The following CEP162 variants were observed in gnomAD, a reference collection of about 807,000 sequenced individuals.
The protein encoded by CEP162 is centrosomal protein of 162 kDa.
Under a neutral mutation model 169.2 loss-of-function variants are expected in CEP162, and 141 were observed. That is an observed-to-expected ratio of 0.83 (90% confidence interval 0.73 to 0.96). CEP162 has a LOEUF of 0.96. Among genes scored for constraint, CEP162 ranks in the 40% least tolerant of loss-of-function variants. The pLI, the probability that CEP162 is intolerant of heterozygous loss-of-function variation, is 0.00. For synonymous variants in CEP162, 540 were observed against 526.4 expected, an observed-to-expected ratio of 1.03 and a Z score of -0.35; for missense variants, 1,600 against 1,587.2, an observed-to-expected ratio of 1.01 and a Z score of -0.14.
rs926808712 is a variant in CEP162, at chr6:84,181,085, G to T, written c.1663+4102C>A. Among the ~76,000 whole-genome samples, 81 of 152,266 alleles carry T rather than the reference G, an allele frequency of 5.3e-4. 1 individual carries two copies. The highest frequency in any genetic ancestry group is 1.9e-3 in the African/African-American group (78 of 41,574). ...AAAAGAACCAACCTGGAGGCATCAT[G>T]CTACCTGACTTCAAACTATACTACA... On this transcript the variant is annotated intron_variant, in intron 13 of 26. Coordinates refer to ENST00000403245, the MANE Select transcript of CEP162 (RefSeq NM_014895.4).
intron 25 of CEP162, among the ~76,000 whole-genome samples, chr6:84,132,325 A>G (rs1190762199): frequency 1.3e-5 from 2 of 151,844 alleles, no homozygotes; most frequent in East Asian, 1.9e-4. Context: ...TGTGTCTTGG[A>G]GTTGCTCTTC....
In CEP162 at chr6:84,160,901, C is replaced by G. The variant is rs573773678; in HGVS notation, c.2692G>C (p.Ala898Pro). 19 of 1,609,110 alleles carry G rather than the reference C, an allele frequency of 1.2e-5. No homozygotes were observed. The South Asian group carries it at 2.1e-4, about 18-fold the overall frequency. ...CGAATAGATGGATTCCCAGATTCAG[C>G]TTTCAGTTTCTCAATCTGTCAATAA... ...KLKLEIEKLK[A>P]ESGNPSIRQK... Residue 898 changes from alanine (A) to proline (P), a missense_variant, in exon 21 of 27, where the codon GCT (alanine) becomes CCT (proline). Transcript: ENST00000403245.
intron 25 of CEP162, among the ~76,000 whole-genome samples, chr6:84,133,005 T>G (rs1396638705): frequency 6.6e-6 from 1 of 152,150 alleles, no homozygotes; most frequent in Non-Finnish European, 1.5e-5. Flanking sequence ...CTACCTTTGG[T>G]CTTTGATGAT....
At chr6:84,183,701 C>A (rs554110528) in intron 13 of CEP162, among the ~76,000 whole-genome samples, 1 of 152,246 alleles carries the variant, frequency 6.6e-6, no homozygotes, top group East Asian at 1.9e-4. Context: ...ATCAGCTTCA[C>A]TTGGCAAAAA....
intron 9 of CEP162, among the ~76,000 whole-genome samples, chr6:84,195,380 C>T (rs2099541701): frequency 6.6e-6 from 1 of 152,186 alleles, no homozygotes; most frequent in Non-Finnish European, 1.5e-5. Context: ...CTAAAAAATT[C>T]CTTTGACGGA....
intron 25 of CEP162, among the ~76,000 whole-genome samples, chr6:84,130,644 T>C (rs1158056993): frequency 3.9e-5 from 6 of 152,196 alleles, no homozygotes; most frequent in Non-Finnish European, 7.3e-5. Flanking sequence ...TTTATTTGCA[T>C]AGAGGTGTTT....
chr6:84,138,949 T>C (rs565506976), intron 25 of CEP162, among the ~76,000 whole-genome samples: 14 of 152,140 alleles, frequency 9.2e-5, no homozygotes, highest in Admixed American at 5.2e-4. Context: ...AATTGTAGAG[T>C]GTTTTTACAT....
intron 25 of CEP162, among the ~76,000 whole-genome samples, chr6:84,135,437 G>A (rs1025177647): frequency 6.7e-6 from 1 of 149,036 alleles, no homozygotes; most frequent in African/African-American, 2.6e-5. Flanking sequence ...AACAATCTGT[G>A]CGTAGCCCAG....
At chr6:84,152,171 G>A (rs2099521360) in intron 23 of CEP162, among the ~76,000 whole-genome samples, 1 of 152,188 alleles carries the variant, frequency 6.6e-6, no homozygotes, top group Non-Finnish European at 1.5e-5. Context: ...CTGCCAACTA[G>A]CTTTAACAAT....
At chr6:84,186,654 A>G in intron 11 of CEP162, 31 bp from the exon 12 acceptor site, 7 of 1,537,878 alleles carry the variant, frequency 4.6e-6, no homozygotes, top group South Asian at 2.5e-5. Context: ...CAGATAATGA[A>G]CCCTATGTAA....
chr6:84,154,894 G>T (rs994502334), intron 22 of CEP162, among the ~76,000 whole-genome samples: 2 of 151,916 alleles, frequency 1.3e-5, no homozygotes, highest in African/African-American at 4.8e-5. Flanking sequence ...TCCCCTACCC[G>T]CTGTTCCTAA....
rs549553516 is a variant in CEP162, at chr6:84,162,127, T to C, written c.2513-218A>G. Among the ~76,000 whole-genome samples, 8 of 152,328 alleles carry C rather than the reference T, an allele frequency of 5.3e-5. No homozygotes were observed. In the East Asian group the frequency reaches 1.3e-3, roughly 26 times the overall value. ...TGTTTATAATCCAAATTGTCAACCT[T>C]ATATAGCAAAGTTGGCTATGTAGAA... On this transcript the variant is annotated intron_variant, in intron 19 of 26. Transcript: ENST00000403245.
chr6:84,149,266 C>G (rs887300921), intron 24 of CEP162, among the ~76,000 whole-genome samples: 1 of 151,978 alleles, frequency 6.6e-6, no homozygotes, highest in Admixed American at 6.6e-5. Flanking sequence ...ACCTCACCAC[C>G]TGTGACAAAT....
chr6:84,161,929 A>G lies in CEP162; in HGVS notation c.2513-20T>C, dbSNP rs776884707. On this transcript the variant is annotated intron_variant, in intron 19 of 26. Transcript: ENST00000403245. ...TCTCACCTATAAGATACAGTAACTC[A>G]ATAACCTGCTTGTTGTTCTCCAAAA... 1 of 1,402,618 alleles carries G rather than the reference A, an allele frequency of 7.1e-7. No individual in the cohort carries two copies. Among genetic ancestry groups the G allele is most frequent in the Non-Finnish European group, 9.8e-7 (1 of 1,023,854 alleles). 86.9% of individuals were successfully genotyped at this position (1,402,618 alleles called of 1,614,324 possible).
Position 84,155,448 on chromosome 6 carries a change from C to G in CEP162, c.2844G>C (p.Leu948Phe), listed in dbSNP as rs764772445. 1 of 1,612,790 alleles carries G rather than the reference C, an allele frequency of 6.2e-7. No homozygotes were observed. Among genetic ancestry groups the G allele is most frequent in the Non-Finnish European group, 8.5e-7 (1 of 1,178,958 alleles). Reference protein sequence around the residue: ...RYPNSLPALILAASAAGDTVD... With the variant: ...RYPNSLPALIFAASAAGDTVD... ...CTGTATCACCAGCTGCTGATGCAGC[C>G]AATATTAAAGCAGGTAAAGAATTGG... The change falls in exon 22 of 27, where the codon TTG (leucine) becomes TTC (phenylalanine). Residue 948 changes from leucine (L) to phenylalanine (F), a missense_variant. By Grantham distance (22) the Leu-to-Phe change is conservative. Coordinates refer to ENST00000403245, the MANE Select transcript of CEP162 (RefSeq NM_014895.4).
intron 5 of CEP162, 36 bp from the exon 6 acceptor site, chr6:84,213,060 T>A (rs2099550138): frequency 7.9e-7 from 1 of 1,260,074 alleles, no homozygotes; most frequent in Non-Finnish European, 1.1e-6. Flanking sequence ...GCATTACATG[T>A]TAAAAACATA....
At chr6:84,163,984 C>T (rs1370917323) in intron 18 of CEP162, among the ~76,000 whole-genome samples, 3 of 138,378 alleles carry the variant, frequency 2.2e-5, no homozygotes, top group Non-Finnish European at 3.1e-5. Context: ...CCAGAATCTA[C>T]AAGGAACTTA....
At chr6:84,143,596 A>AAAATG (rs1207506954) in intron 25 of CEP162, among the ~76,000 whole-genome samples, 2 of 152,120 alleles carry the variant, frequency 1.3e-5, no homozygotes, top group Admixed American at 1.3e-4. Context: ...GAAGAACAAA[A>AAAATG]AAATGAATGA....
At chr6:84,160,308 C>T (rs1166152356) in intron 21 of CEP162, among the ~76,000 whole-genome samples, 2 of 152,124 alleles carry the variant, frequency 1.3e-5, no homozygotes, top group Non-Finnish European at 2.9e-5. Flanking sequence ...TTAAAGGTCT[C>T]CCACACTGAC....
Sources: gnomAD v4.1 joint callset for allele counts (sites outside exome capture counted in the v4.1 genomes callset) on GRCh38, gnomAD v4.1.1 for gene constraint, MANE v1.5 for transcripts, NCBI Gene and HGNC (gene_info 2026-07-23, HGNC 2026-07-21) for gene names.